Variants in LRRC7 observed in about 807,000 individuals in gnomAD.
LRRC7 encodes the protein leucine rich repeat containing 7.
In LRRC7, 23 loss-of-function variants were observed where a neutral mutation model predicts 175.7. That is an observed-to-expected ratio of 0.13 (90% CI 0.09 to 0.19). LRRC7 has a LOEUF of 0.19. Ranked by LOEUF, LRRC7 falls within the 10% of genes least tolerant of loss-of-function variation. The pLI is 1.00. For missense variants in LRRC7, 1,354 were observed against 1,904.7 expected (o/e 0.71, Z 5.38); for synonymous variants, 685 against 680.9 (o/e 1.01, Z -0.09).
At chr1:69,744,743 A>G (rs1669075240) in intron 2 of LRRC7, among the ~76,000 whole-genome samples, 2 of 151,998 alleles carry the variant, frequency 1.3e-5, no homozygotes, top group Non-Finnish European at 2.9e-5. Context: ...AAGTGCTACC[A>G]TTACCAAGAG....
chr1:69,923,180 G>A (rs1029218823), intron 7 of LRRC7, among the ~76,000 whole-genome samples: 3 of 152,130 alleles, frequency 2.0e-5, no homozygotes, highest in African/African-American at 7.2e-5. Flanking sequence ...GTATTCCATG[G>A]TGTATATGTG....
chr1:70,013,171 C>G (rs1656666238), intron 13 of LRRC7, 82 bp downstream of exon 13: 1 of 758,058 alleles, frequency 1.3e-6, no homozygotes, highest in Non-Finnish European at 2.1e-6. Context: ...GTTTTGATAA[C>G]ATTTTCTGCG....
At chr1:69,684,150 T>C (rs921111518) in intron 2 of LRRC7, among the ~76,000 whole-genome samples, 1 of 152,154 alleles carries the variant, frequency 6.6e-6, no homozygotes, top group African/African-American at 2.4e-5. Context: ...CCCAGATACA[T>C]ACAGACAGAT....
chr1:69,711,713 G>C (rs1362401274), intron 2 of LRRC7, among the ~76,000 whole-genome samples: 2 of 152,146 alleles, frequency 1.3e-5, no homozygotes, highest in African/African-American at 2.4e-5. Flanking sequence ...AGCAACACTT[G>C]ATAAATATTA....
chr1:69,910,384 G>C (rs1454140128), intron 7 of LRRC7, among the ~76,000 whole-genome samples: 1 of 152,156 alleles, frequency 6.6e-6, no homozygotes, highest in Non-Finnish European at 1.5e-5. Context: ...CTTTCTGTTT[G>C]TTAGTTTTCC....
At chr1:69,679,010 T>C (rs1400681735) in intron 2 of LRRC7, among the ~76,000 whole-genome samples, 1 of 152,130 alleles carries the variant, frequency 6.6e-6, no homozygotes, top group South Asian at 2.1e-4. Context: ...TTCTGAAAGA[T>C]AGATACCATG....
Position 70,140,847 on chromosome 1 carries a change from T to C in LRRC7, c.*18960T>C, listed in dbSNP as rs1436354185. Among the ~76,000 whole-genome samples the C allele has an allele frequency of 2.0e-5, 3 of 152,106 alleles. No homozygotes were observed. Among genetic ancestry groups the C allele is most frequent in the African/African-American group, 4.8e-5 (2 of 41,436 alleles). ...GGTTCAGATGGCTTTCCCTTCTCCCTAAGTGTCAGTGACTTAACTGACATA... is the reference window on the plus strand; with the variant it reads ...GGTTCAGATGGCTTTCCCTTCTCCCCAAGTGTCAGTGACTTAACTGACATA... On this transcript the variant is annotated 3_prime_UTR_variant, in exon 27 of 27. Coordinates refer to ENST00000651989, the MANE Select transcript of LRRC7 (RefSeq NM_001370785.2).
At chr1:69,577,363 T>A (rs1414504453) in intron 1 of LRRC7, among the ~76,000 whole-genome samples, 2 of 152,210 alleles carry the variant, frequency 1.3e-5, no homozygotes, top group Admixed American at 1.3e-4. Context: ...TCTTTTGCTG[T>A]GCAGAAGCTC....
At position 70,076,191 on chromosome 1, in the gene LRRC7, C is replaced by A; in HGVS notation, c.4345C>A (p.Pro1449Thr). The part of the protein sequence containing the change: ...NKVTIQQFQS[P>T]LPIQIPSSQA... ...AGTGACCATCCAGCAATTTCAGTCA[C>A]CATTGCCTATTCAGATCCCCTCTTC... The change falls in exon 24 of 27, where the codon CCA becomes ACA. Residue 1449 changes from proline to threonine, a missense_variant. Transcript: ENST00000651989. The A allele has an allele frequency of 6.2e-7, 1 of 1,614,108 alleles. No homozygotes were observed. Among genetic ancestry groups the A allele is most frequent in the Non-Finnish European group, 8.5e-7 (1 of 1,180,008 alleles).
intron 26 of LRRC7, among the ~76,000 whole-genome samples, chr1:70,119,797 A>T (rs1666098211): frequency 1.3e-5 from 2 of 152,116 alleles, no homozygotes; most frequent in African/African-American, 4.8e-5. Flanking sequence ...TTCTCAGTGG[A>T]TTTTTAATTC....
At position 69,567,930 on chromosome 1, in the gene LRRC7, T is replaced by C. The variant is rs1214033072; in HGVS notation, c.-710T>C. 6.6e-6 allele frequency among the ~76,000 whole-genome samples: 1 copy of C among 151,730 alleles called. No individual in the cohort carries two copies. Among genetic ancestry groups the C allele is most frequent in the Non-Finnish European group, 1.5e-5 (1 of 67,932 alleles). On this transcript the variant is annotated 5_prime_UTR_variant, in exon 1 of 27. Transcript: ENST00000651989. ...GCGGCGCCTCCTCGCCTGCCAATCC[T>C]GGCACCTGTGCGCCGAGCCACTGCA...
At chr1:69,872,235 T>TA (rs1323962796) in intron 7 of LRRC7, among the ~76,000 whole-genome samples, 1 of 151,994 alleles carries the variant, frequency 6.6e-6, no homozygotes, top group Non-Finnish European at 1.5e-5. Context: ...ATGTAGTACA[T>TA]AAAAAATTGT....
intron 2 of LRRC7, among the ~76,000 whole-genome samples, chr1:69,718,142 G>GAAAGAAAGAGAAAGAAAGAA (rs1553146139): frequency 4.1e-5 from 3 of 73,716 alleles, no homozygotes; most frequent in African/African-American, 2.4e-4. Flanking sequence ...AAGAAAGAGA[G>GAAAGAAAGAGAAAGAAAGAA]AGAAAGAAAG....
At chr1:69,774,266 A>C (rs1672566285) in intron 3 of LRRC7, among the ~76,000 whole-genome samples, 1 of 152,180 alleles carries the variant, frequency 6.6e-6, no homozygotes, top group African/African-American at 2.4e-5. Flanking sequence ...TAAAATGTAG[A>C]CCTACCAATT....
chr1:69,825,225 T>A (rs1189932282), intron 4 of LRRC7, among the ~76,000 whole-genome samples: 1 of 152,148 alleles, frequency 6.6e-6, no homozygotes, highest in Admixed American at 6.6e-5. Flanking sequence ...CAAAAAAGAA[T>A]TGTATAAAAT....
At position 69,568,494 on chromosome 1, in the gene LRRC7, TCCTA is replaced by T. The variant is rs1646413730; in HGVS notation, c.-142_-139del. 6.9e-5 allele frequency: 41 copies of T among 598,330 alleles called. 1 individual carries two copies. The South Asian group carries it at 7.8e-4, about 11-fold the overall frequency. The allele number at this position is 598,330 out of a possible 1,614,324, so 37.1% of individuals were successfully genotyped here. On this transcript the variant is annotated 5_prime_UTR_variant, in exon 1 of 27. Coordinates refer to ENST00000651989, the MANE Select transcript of LRRC7 (RefSeq NM_001370785.2). The stretch of plus-strand genomic sequence containing the variant: ...TGGATTCCCCTCTATCTCCTGTTCT[TCCTA>T]CCTTCTACTCCTTCCCTCCTCTTCT...
At chr1:69,795,843 C>T (rs1033055248) in intron 4 of LRRC7, among the ~76,000 whole-genome samples, 10 of 151,890 alleles carry the variant, frequency 6.6e-5, no homozygotes, top group African/African-American at 1.9e-4. Flanking sequence ...TATATTAACA[C>T]CTTTAGATAA....
rs1002110937 is a variant in LRRC7 at position 70,013,461 on chromosome 1, T to C, written c.1250+372T>C. 5.2e-4 allele frequency among the ~76,000 whole-genome samples: 79 copies of C among 151,938 alleles called. 1 individual carries two copies. The highest frequency in any genetic ancestry group is 2.9e-4 in the Non-Finnish European group (20 of 67,844). ...CTATGTATGTATGTATGCACACATTTGTGTTTTCACGTCTATATTTTGGTT... is the reference window on the plus strand; with the variant it reads ...CTATGTATGTATGTATGCACACATTCGTGTTTTCACGTCTATATTTTGGTT... On this transcript the variant is annotated intron_variant, in intron 13 of 26. Coordinates refer to ENST00000651989, the MANE Select transcript of LRRC7 (RefSeq NM_001370785.2).
At chr1:69,939,942 C>A (rs924312294) in intron 8 of LRRC7, among the ~76,000 whole-genome samples, 11 of 152,026 alleles carry the variant, frequency 7.2e-5, no homozygotes, top group African/African-American at 2.7e-4. Flanking sequence ...GCATCAATCC[C>A]AATTTACTTT....
Sources: gnomAD v4.1 joint callset for allele counts (sites outside exome capture counted in the v4.1 genomes callset) on GRCh38, gnomAD v4.1.1 for gene constraint, MANE v1.5 for transcripts, NCBI Gene and HGNC (gene_info 2026-07-23, HGNC 2026-07-21) for gene names.